The following RPS6KA2 variants were observed in gnomAD, a reference collection of about 807,000 sequenced individuals.
RPS6KA2 encodes the protein ribosomal protein S6 kinase A2, also known as ribosomal protein S6 kinase alpha-2.
A neutral mutation model predicts 91.8 loss-of-function variants in RPS6KA2; 42 were observed. The ratio of observed to expected loss-of-function variants is 0.46; its 90% CI spans 0.36 to 0.59. The LOEUF is 0.59. Ranked by LOEUF, RPS6KA2 falls within the 20% of genes least tolerant of loss-of-function variation. RPS6KA2 has a pLI of 0.00. For missense variants in RPS6KA2, 798 were observed against 978.5 expected (o/e 0.82, Z 2.46); for synonymous variants, 414 against 393.6 (o/e 1.05, Z -0.61).
chr6:166,709,521 C>T (rs1033268273), intron 2 of RPS6KA2, among the ~76,000 whole-genome samples: 8 of 152,202 alleles, frequency 5.3e-5, no homozygotes, highest in Non-Finnish European at 8.8e-5. Context: ...TTGATGGCTT[C>T]GCTTTATCCT....
chr6:166,776,453 C>G (rs538319073), intron 2 of RPS6KA2, among the ~76,000 whole-genome samples: 1 of 152,118 alleles, frequency 6.6e-6, no homozygotes, highest in Non-Finnish European at 1.5e-5. Context: ...TTTCACACAA[C>G]AAAATTGATC....
At chr6:166,657,397 T>C (rs1411836436) in intron 2 of RPS6KA2, among the ~76,000 whole-genome samples, 1 of 152,132 alleles carries the variant, frequency 6.6e-6, no homozygotes, top group Non-Finnish European at 1.5e-5. Context: ...TGTCTTATTT[T>C]CAACGACAAA....
chr6:166,680,679 G>A (rs1290089610), intron 2 of RPS6KA2, among the ~76,000 whole-genome samples: 1 of 152,170 alleles, frequency 6.6e-6, no homozygotes, highest in African/African-American at 2.4e-5. Context: ...CATTCCTAAA[G>A]TCAGCGAGAC....
chr6:166,760,141 T>A (rs684772), intron 2 of RPS6KA2, among the ~76,000 whole-genome samples: 18,797 of 152,108 alleles, frequency 0.12, 2,556 homozygotes, highest in African/African-American at 0.34. Flanking sequence ...AACCTATTCA[T>A]TCGGTTGGCA....
Position 166,592,339 on chromosome 6 carries a change from T to C in RPS6KA2, c.99+34582A>G, listed in dbSNP as rs149463271. Among the ~76,000 whole-genome samples, 6 of 152,308 alleles carry C rather than the reference T, an allele frequency of 3.9e-5. No homozygotes were observed. The East Asian group carries it at 1.2e-3, about 29-fold the overall frequency. Reference sequence around the variant, plus strand: ...GGGGAAGAGGGCCCCGGTGTGGTGCTGTGAGGGGCTGACAAGCCCGGCCTG... The same window carrying C: ...GGGGAAGAGGGCCCCGGTGTGGTGCCGTGAGGGGCTGACAAGCCCGGCCTG... On this transcript the variant is annotated intron_variant, in intron 1 of 20. Transcript: ENST00000265678.
intron 2 of RPS6KA2, among the ~76,000 whole-genome samples, chr6:166,761,801 C>T (rs775237417): frequency 2.6e-5 from 4 of 152,190 alleles, no homozygotes; most frequent in East Asian, 1.9e-4. Context: ...AAGGTGGGAC[C>T]GCACGGCTGT....
chr6:166,526,883 A>G (rs1346591766), intron 3 of RPS6KA2, among the ~76,000 whole-genome samples: 2 of 152,252 alleles, frequency 1.3e-5, no homozygotes, highest in African/African-American at 2.4e-5. Context: ...GTGTACACAC[A>G]AATACACACA....
intron 2 of RPS6KA2, among the ~76,000 whole-genome samples, chr6:166,656,125 C>G (rs1449994489): frequency 1.3e-5 from 2 of 152,190 alleles, no homozygotes; most frequent in Non-Finnish European, 2.9e-5. Context: ...ACGGTGGAAG[C>G]TCACCGAGAG....
At chr6:166,755,344 C>T (rs998780314) in intron 2 of RPS6KA2, among the ~76,000 whole-genome samples, 1 of 152,070 alleles carries the variant, frequency 6.6e-6, no homozygotes, top group Non-Finnish European at 1.5e-5. Context: ...TGCATTGGGC[C>T]TCCTAGATGC....
At chr6:166,543,398 C>T (rs936818598) in intron 1 of RPS6KA2, among the ~76,000 whole-genome samples, 2 of 152,210 alleles carry the variant, frequency 1.3e-5, no homozygotes, top group Admixed American at 6.5e-5. Context: ...AATCTCTAAA[C>T]TTGGCTTCGT....
chr6:166,642,823 TGAGTATGTGAC>T (rs1787487012), intron 2 of RPS6KA2, among the ~76,000 whole-genome samples: 1 of 152,254 alleles, frequency 6.6e-6, no homozygotes. Context: ...ACCTTCTTGC[TGAGTATGTGAC>T]GAATGTCAGG....
Position 166,538,870 on chromosome 6 carries a change from C to T in RPS6KA2, c.100-86G>A, listed in dbSNP as rs895375269. 172 of 682,352 alleles carry T rather than the reference C, an allele frequency of 2.5e-4. 3 individuals are homozygous for T. The East Asian group carries it at 3.5e-3, about 14-fold the overall frequency. 42.3% of individuals were successfully genotyped at this position (682,352 alleles called of 1,614,324 possible). On this transcript the variant is annotated intron_variant, in intron 1 of 20. Transcript: ENST00000265678. ...GCTTCCTCCTCCCCTGAGTTTACCACGAGCTGGGTCTGTTACAGATTTTAG... is the reference window on the plus strand; with the variant it reads ...GCTTCCTCCTCCCCTGAGTTTACCATGAGCTGGGTCTGTTACAGATTTTAG...
intron 2 of RPS6KA2, among the ~76,000 whole-genome samples, chr6:166,799,926 T>A (rs11759207): frequency 0.048 from 7,287 of 152,178 alleles, 232 homozygotes; most frequent in Middle Eastern, 0.085. Flanking sequence ...TTCTGCCAAG[T>A]CCCCAGTAAC....
At chr6:166,449,370 G>C (rs1269609460) in intron 13 of RPS6KA2, among the ~76,000 whole-genome samples, 2 of 144,180 alleles carry the variant, frequency 1.4e-5, no homozygotes, top group African/African-American at 2.5e-5. Flanking sequence ...TTACACACCT[G>C]TATTTCTCCA....
chr6:166,832,428 A>G lies in RPS6KA2; in HGVS notation c.123+25772T>C, dbSNP rs74784344. Among the ~76,000 whole-genome samples the G allele has an allele frequency of 5.7e-3, 873 of 152,364 alleles. 3 individuals carry two copies. The highest frequency in any genetic ancestry group is 0.013 in the Admixed American group (202 of 15,304). On this transcript the variant is annotated intron_variant, in intron 2 of 21. Transcript: ENST00000503859. The stretch of plus-strand genomic sequence containing the variant: ...CTACTTCTGACAGACCCCAGAGCCC[A>G]GGCTTGGAACCCCAGGCAATACTGC...
chr6:166,593,112 T>C (rs750420544), intron 1 of RPS6KA2, among the ~76,000 whole-genome samples: 9 of 152,156 alleles, frequency 5.9e-5, no homozygotes, highest in Non-Finnish European at 1.0e-4. Flanking sequence ...TCCGATGCAG[T>C]GTGAGCACCA....
At chr6:166,575,542 T>G (rs958042238) in intron 1 of RPS6KA2, among the ~76,000 whole-genome samples, 1 of 152,378 alleles carries the variant, frequency 6.6e-6, no homozygotes, top group South Asian at 2.1e-4. Flanking sequence ...GGTTTGGTGT[T>G]GCTTTTTGTT....
Position 166,783,833 on chromosome 6 carries a change from TG to T in RPS6KA2, c.123+74366del, listed in dbSNP as rs1562437237. On this transcript the variant is annotated intron_variant, in intron 2 of 21. Transcript: ENST00000503859. The stretch of plus-strand genomic sequence containing the variant: ...TTACCTGTAACCACATATGCACACG[TG>T]CACACCTATCTATACCACATATGCA... 2.4e-3 allele frequency among the ~76,000 whole-genome samples: 188 copies of T among 78,004 alleles called. 16 individuals are homozygous for T. Among genetic ancestry groups the T allele is most frequent in the Middle Eastern group, 7.8e-3 (1 of 128 alleles). The allele number at this position is 78,004 out of a possible 152,430, so 51.2% of individuals were successfully genotyped here. A position where few individuals can be genotyped will look rare whatever the true frequency, so the allele number is the denominator to read the frequency against.
At chr6:166,673,767 G>A (rs954811127) in intron 2 of RPS6KA2, among the ~76,000 whole-genome samples, 2 of 152,214 alleles carry the variant, frequency 1.3e-5, no homozygotes, top group African/African-American at 2.4e-5. Flanking sequence ...TATTGTTAGT[G>A]TATTTTATGT....
Sources: gnomAD v4.1 joint callset for allele counts (sites outside exome capture counted in the v4.1 genomes callset) on GRCh38, gnomAD v4.1.1 for gene constraint, MANE v1.5 for transcripts, NCBI Gene and HGNC (gene_info 2026-07-23, HGNC 2026-07-21) for gene names.